Variants in PCMT1 observed in about 807,000 individuals in gnomAD.
PCMT1 encodes protein-L-isoaspartate(D-aspartate) O-methyltransferase.
PCMT1 carries 9 observed loss-of-function variants against 29.2 expected under a neutral mutation model. The observed-to-expected ratio is 0.31, with a 90% CI of 0.19 to 0.54. The LOEUF is 0.54. Among genes scored for constraint, PCMT1 ranks in the 20% least tolerant of loss-of-function variants. The pLI is 0.95. For synonymous variants in PCMT1, 98 were observed against 97.5 expected (o/e 1.00, Z -0.03); for missense variants, 184 against 282.2 (o/e 0.65, Z 2.49).
At chr6:149,797,739 T>C (rs1253993112) in intron 6 of PCMT1, 2 of 152,240 alleles carry the variant, frequency 1.3e-5, no homozygotes, top group Non-Finnish European at 2.9e-5. Context: ...TTCTTCTGTC[T>C]AGTCTCATCC....
rs182312014 is a variant in PCMT1, at chr6:149,753,163, T to G, written c.55+3207T>G. On this transcript the variant is annotated intron_variant, in intron 1 of 7. Coordinates refer to ENST00000464889, the MANE Select transcript of PCMT1 (RefSeq NM_001360452.2). ...TACTTGCTCATGTGAAAATTGTAAT[T>G]GACATAAAATTTGAAAATATTGCCT... Among the ~76,000 whole-genome samples the G allele has an allele frequency of 1.5e-3, 236 of 152,286 alleles. 1 individual carries two copies. The highest frequency in any genetic ancestry group is 2.5e-3 in the Non-Finnish European group (173 of 68,026).
rs1170291635 is a variant in PCMT1, at chr6:149,763,047, T to G, written c.56-8115T>G. Among the ~76,000 whole-genome samples the G allele has an allele frequency of 3.2e-5, 2 of 63,018 alleles. 1 individual carries two copies. The highest frequency in any genetic ancestry group is 4.6e-5 in the Non-Finnish European group (2 of 43,898). 41.3% of individuals were successfully genotyped at this position (63,018 alleles called of 152,430 possible). A position where few individuals can be genotyped will look rare whatever the true frequency, so the allele number is the denominator to read the frequency against. ...TGATATATCTATGATATCTATGATA[T>G]GTATATCTATGATATATATATCTAT... On this transcript the variant is annotated intron_variant, in intron 1 of 7. Transcript: ENST00000464889.
intron 1 of PCMT1, among the ~76,000 whole-genome samples, chr6:149,765,061 A>T (rs1458823563): frequency 6.8e-6 from 1 of 147,240 alleles, no homozygotes; most frequent in Non-Finnish European, 1.5e-5. Context: ...AAATAAATAT[A>T]AAAAATAAAA....
intron 5 of PCMT1, among the ~76,000 whole-genome samples, chr6:149,794,004 A>G (rs148493219): frequency 6.6e-5 from 10 of 152,262 alleles, no homozygotes; most frequent in Non-Finnish European, 1.3e-4. Context: ...GTCTATATAT[A>G]TAAATACATT....
chr6:149,801,385 A>G (rs1449410291), intron 6 of PCMT1, among the ~76,000 whole-genome samples: 1 of 152,088 alleles, frequency 6.6e-6, no homozygotes, highest in Admixed American at 6.6e-5. Context: ...TGATGTTCAG[A>G]GTTTTGGATT....
intron 1 of PCMT1, among the ~76,000 whole-genome samples, chr6:149,757,713 A>G (rs928052812): frequency 1.3e-5 from 2 of 152,160 alleles, no homozygotes; most frequent in South Asian, 2.1e-4. Flanking sequence ...CTGTCACCAA[A>G]TATGTTGAAG....
At chr6:149,780,455 T>A (rs1485190157) in intron 3 of PCMT1, among the ~76,000 whole-genome samples, 1 of 152,182 alleles carries the variant, frequency 6.6e-6, no homozygotes, top group African/African-American at 2.4e-5. Context: ...CTCTCTAATA[T>A]GAGGTTTTCA....
chr6:149,774,897 C>T lies in PCMT1; in HGVS notation c.192+1728C>T, dbSNP rs531827407. 1.3e-4 allele frequency among the ~76,000 whole-genome samples: 19 copies of T among 151,946 alleles called. 1 individual carries two copies. In the South Asian group the frequency reaches 1.5e-3, roughly 12 times the overall value. ...AGTTTTTTGTATTTTTTAGTAGAGA[C>T]GGGGTTTCACCATGTTAGCCAGGAT... On this transcript the variant is annotated intron_variant, in intron 3 of 7. Transcript: ENST00000464889.
chr6:149,808,541 A>C (rs960970271), intron 7 of PCMT1, among the ~76,000 whole-genome samples: 1 of 152,010 alleles, frequency 6.6e-6, no homozygotes, highest in Non-Finnish European at 1.5e-5. Flanking sequence ...GACAGAGAGG[A>C]TAGTTGGAAA....
intron 2 of PCMT1, chr6:149,772,551 T>TTA: frequency 2.2e-6 from 1 of 452,256 alleles, no homozygotes; most frequent in South Asian, 1.6e-5. Flanking sequence ...TCTTCCTTTC[T>TTA]TAGCTGACTC....
At chr6:149,758,696 AACATCTAAAT>A (rs1164582615) in intron 1 of PCMT1, among the ~76,000 whole-genome samples, 2 of 152,150 alleles carry the variant, frequency 1.3e-5, no homozygotes, top group African/African-American at 4.8e-5. Context: ...TTTGAGAAAT[AACATCTAAAT>A]ACTATGTATC....
At chr6:149,752,408 A>G (rs1232748214) in intron 1 of PCMT1, among the ~76,000 whole-genome samples, 1 of 152,088 alleles carries the variant, frequency 6.6e-6, no homozygotes. Context: ...TATGTTGGCC[A>G]GGCTGGTCTC....
At chr6:149,800,438 C>CAG (rs1775790462) in intron 6 of PCMT1, among the ~76,000 whole-genome samples, 1 of 152,116 alleles carries the variant, frequency 6.6e-6, no homozygotes, top group Admixed American at 6.5e-5. Flanking sequence ...CACTGCACTC[C>CAG]AGCCTGGGTG....
chr6:149,794,096 C>T lies in PCMT1; in HGVS notation c.418+427C>T, dbSNP rs142700636. 2.2e-3 allele frequency among the ~76,000 whole-genome samples: 334 copies of T among 152,236 alleles called. 1 individual carries two copies. The highest frequency in any genetic ancestry group is 7.8e-3 in the African/African-American group (323 of 41,522). On this transcript the variant is annotated intron_variant, in intron 5 of 7. Coordinates refer to ENST00000464889, the MANE Select transcript of PCMT1 (RefSeq NM_001360452.2). Reference sequence around the variant, plus strand: ...AATTCTTAATTTTAATGTAGTCAGACTTACCAATTTTTTTCAGTGCTTTCT... The same window carrying T: ...AATTCTTAATTTTAATGTAGTCAGATTTACCAATTTTTTTCAGTGCTTTCT...
In PCMT1 at chr6:149,762,968, T is replaced by C. The variant is rs1413742650; in HGVS notation, c.56-8194T>C. Reference sequence around the variant, plus strand: ...ATATCTATGATATGTATATCTATGATATATATGATATATATATCTATGATA... The same window carrying C: ...ATATCTATGATATGTATATCTATGACATATATGATATATATATCTATGATA... On this transcript the variant is annotated intron_variant, in intron 1 of 7. Coordinates refer to ENST00000464889, the MANE Select transcript of PCMT1 (RefSeq NM_001360452.2). 5.9e-4 allele frequency among the ~76,000 whole-genome samples: 37 copies of C among 62,744 alleles called. 9 individuals carry two copies. Among genetic ancestry groups the C allele is most frequent in the Non-Finnish European group, 7.8e-4 (35 of 44,780 alleles). 41.2% of individuals were successfully genotyped at this position (62,744 alleles called of 152,430 possible).
At chr6:149,796,351 C>CTAGA (rs1788610870) in intron 5 of PCMT1, 64 bp from the exon 6 acceptor site, 1 of 1,069,476 alleles carries the variant, frequency 9.4e-7, no homozygotes, top group African/African-American at 1.6e-5. Flanking sequence ...ACCTCCTGTA[C>CTAGA]TAGAATTCTT....
rs1348890930 is a variant in PCMT1 at position 149,774,631 on chromosome 6, A to G, written c.192+1462A>G. 6.0e-4 allele frequency among the ~76,000 whole-genome samples: 82 copies of G among 137,422 alleles called. No individual in the cohort carries two copies. In the Admixed American group the frequency reaches 6.1e-3, roughly 10 times the overall value. The allele number at this position is 137,422 out of a possible 152,430, so 90.2% of individuals were successfully genotyped here. A position where few individuals can be genotyped will look rare whatever the true frequency, so the allele number is the denominator to read the frequency against. ...CTGCTCACTGCAACCTCCACCTCCT[A>G]GGTTCAAGTAATTCTCTTGCCTCAG... On this transcript the variant is annotated intron_variant, in intron 3 of 7. Transcript: ENST00000464889.
Position 149,774,424 on chromosome 6 carries a change from A to G in PCMT1, c.192+1255A>G, listed in dbSNP as rs562393423. Among the ~76,000 whole-genome samples the G allele has an allele frequency of 1.5e-3, 221 of 148,674 alleles. 2 individuals carry two copies. The highest frequency in any genetic ancestry group is 2.4e-3 in the Admixed American group (36 of 14,806). On this transcript the variant is annotated intron_variant, in intron 3 of 7. Coordinates refer to ENST00000464889, the MANE Select transcript of PCMT1 (RefSeq NM_001360452.2). ...TCAGCTTATGTTTTGTATTTTTAGT[A>G]GAGACGGGGCTTCACTATGTTGGCC...
At position 149,811,412 on chromosome 6, in the gene PCMT1, A is replaced by T. The variant is rs371986946; in HGVS notation, c.*834A>T. Reference sequence around the variant, plus strand: ...TGCTTTGCCAAATAAAGTTAAAAGTAAAAGAGGCATTGGTTGTTTTTGAAT... The same window carrying T: ...TGCTTTGCCAAATAAAGTTAAAAGTTAAAGAGGCATTGGTTGTTTTTGAAT... On this transcript the variant is annotated 3_prime_UTR_variant, in exon 8 of 8. Transcript: ENST00000464889. The T allele has an allele frequency of 6.5e-6, 1 of 152,704 alleles. No homozygotes were observed. Among genetic ancestry groups the T allele is most frequent in the African/African-American group, 2.4e-5 (1 of 41,466 alleles). 9.5% of individuals were successfully genotyped at this position (152,704 alleles called of 1,614,324 possible). A position where few individuals can be genotyped will look rare whatever the true frequency, so the allele number is the denominator to read the frequency against.
Sources: gnomAD v4.1 joint callset for allele counts (sites outside exome capture counted in the v4.1 genomes callset) on GRCh38, gnomAD v4.1.1 for gene constraint, MANE v1.5 for transcripts, NCBI Gene and HGNC (gene_info 2026-07-23, HGNC 2026-07-21) for gene names.